Variants in SV2C observed in about 807,000 individuals in gnomAD.
The protein encoded by SV2C is synaptic vesicle glycoprotein 2C.
Under a neutral mutation model 79.7 loss-of-function variants are expected in SV2C, and 49 were observed. That is an observed-to-expected ratio of 0.61 (90% CI 0.49 to 0.78). SV2C has a LOEUF of 0.78. Ranked by LOEUF, SV2C falls within the 30% of genes least tolerant of loss-of-function variation. The pLI, the probability that SV2C is intolerant of heterozygous loss-of-function variation, is 0.00. For missense variants in SV2C, 833 were observed against 912.9 expected, an observed-to-expected ratio of 0.91 and a Z score of 1.13; for synonymous variants, 334 against 333.2, an observed-to-expected ratio of 1.00 and a Z score of -0.03.
At chr5:76,218,797 G>C (rs1204457576) in intron 4 of SV2C, among the ~76,000 whole-genome samples, 1 of 738 alleles carries the variant, frequency 1.4e-3, no homozygotes, top group Non-Finnish European at 2.6e-3. Context: ...TGTATTAAAG[G>C]ATGGCATACA....
chr5:76,156,814 C>A (rs1224443649), intron 2 of SV2C, among the ~76,000 whole-genome samples: 1 of 151,566 alleles, frequency 6.6e-6, no homozygotes, highest in East Asian at 1.9e-4. Context: ...TAGATTTGAA[C>A]TGACAAAAGA....
rs1267641102 is a variant in SV2C at position 76,132,367 on chromosome 5, T to C, written c.580+37T>C. ...GTGTCAGTGAGGCCAACTCTGAAAC[T>C]GGCTTATTTGTTAAGCACAGTTATC... On this transcript the variant is annotated intron_variant, in intron 2 of 12. Transcript: ENST00000502798. 25 of 1,553,538 alleles carry C rather than the reference T, an allele frequency of 1.6e-5. No individual in the cohort carries two copies. The East Asian group carries it at 5.4e-4, about 34-fold the overall frequency.
chr5:76,069,382 G>C, the SV2C span, among the ~76,000 whole-genome samples: 8 of 152,120 alleles, frequency 5.3e-5, no homozygotes, highest in African/African-American at 1.9e-4. Context: ...TTGCCTTTGG[G>C]TATCTCTCCA....
the SV2C span, among the ~76,000 whole-genome samples, chr5:75,934,302 C>CTTTTT: frequency 0.032 from 3,417 of 107,602 alleles, 257 homozygotes; most frequent in African/African-American, 0.11. Context: ...TTCTTTCTTT[C>CTTTTT]TTTTTTTTTT....
At chr5:76,091,190 T>C (rs1168889492) in intron 1 of SV2C, among the ~76,000 whole-genome samples, 1 of 152,232 alleles carries the variant, frequency 6.6e-6, no homozygotes, top group African/African-American at 2.4e-5. Context: ...AATTTAAGTG[T>C]AAAGTCTATT....
intron 4 of SV2C, among the ~76,000 whole-genome samples, chr5:76,270,873 C>T (rs998987760): frequency 6.6e-6 from 1 of 151,744 alleles, no homozygotes. Flanking sequence ...GGTTAAAACA[C>T]TTCTCCTGCC....
chr5:76,047,856 C>G, the SV2C span, among the ~76,000 whole-genome samples: 1 of 150,188 alleles, frequency 6.7e-6, no homozygotes, highest in African/African-American at 2.4e-5. Context: ...AGCTCCGCCT[C>G]CCGGGTTCAC....
At chr5:76,054,900 C>T in the SV2C span, among the ~76,000 whole-genome samples, 143 of 152,188 alleles carry the variant, frequency 9.4e-4, 1 homozygote, top group African/African-American at 3.3e-3. Context: ...GGATATTACA[C>T]CTTTGTCAGA....
chr5:76,080,528 A>G (rs1316185127), upstream of SV2C, among the ~76,000 whole-genome samples: 2 of 152,152 alleles, frequency 1.3e-5, no homozygotes, highest in Non-Finnish European at 2.9e-5. Flanking sequence ...TTTATTCTAT[A>G]CCCATTGTGT....
the SV2C span, chr5:75,921,019 A>G: frequency 1.4e-6 from 1 of 714,966 alleles, no homozygotes; most frequent in Non-Finnish European, 2.5e-6. Context: ...GGTAGTTCTC[A>G]TCCCTAATCA....
chr5:75,986,601 A>G, the SV2C span, among the ~76,000 whole-genome samples: 1,232 of 152,094 alleles, frequency 8.1e-3, 16 homozygotes, highest in African/African-American at 0.028. Flanking sequence ...GCAGCAATAG[A>G]AAACTAACAT....
the SV2C span, among the ~76,000 whole-genome samples, chr5:76,050,283 G>A: frequency 6.6e-6 from 1 of 152,158 alleles, no homozygotes; most frequent in African/African-American, 2.4e-5. Flanking sequence ...TCAATGTAGG[G>A]TGATCACCTT....
chr5:76,100,337 G>A (rs1043118648), intron 1 of SV2C, among the ~76,000 whole-genome samples: 12 of 152,122 alleles, frequency 7.9e-5, no homozygotes, highest in African/African-American at 2.9e-4. Context: ...ATTCAACTTA[G>A]CATCAGTTAT....
chr5:75,860,080 C>T, the SV2C span, among the ~76,000 whole-genome samples: 1 of 152,090 alleles, frequency 6.6e-6, no homozygotes, highest in African/African-American at 2.4e-5. Flanking sequence ...GGGGTACCCA[C>T]CAGGTGGTGT....
the SV2C span, among the ~76,000 whole-genome samples, chr5:76,014,211 G>A: frequency 1.2e-4 from 17 of 142,740 alleles, no homozygotes; most frequent in African/African-American, 3.1e-4. Context: ...AGAAAGAAAG[G>A]AAAAGAAAAG....
chr5:76,322,180 TCAG>T (rs1489026260), intron 12 of SV2C, among the ~76,000 whole-genome samples: 1 of 152,178 alleles, frequency 6.6e-6, no homozygotes, highest in African/African-American at 2.4e-5. Context: ...ATAAGCAACT[TCAG>T]CAAAGTCTCA....
At chr5:76,204,738 T>C (rs1378892332) in intron 3 of SV2C, among the ~76,000 whole-genome samples, 1 of 152,182 alleles carries the variant, frequency 6.6e-6, no homozygotes, top group Admixed American at 6.5e-5. Context: ...CCTCCCTCTT[T>C]CATTGAAGAA....
chr5:76,059,536 C>G, the SV2C span, among the ~76,000 whole-genome samples: 1 of 150,768 alleles, frequency 6.6e-6, no homozygotes, highest in South Asian at 2.1e-4. Context: ...CTCACCCATT[C>G]AAGTTTTATC....
chr5:76,044,890 C>G, the SV2C span, among the ~76,000 whole-genome samples: 4 of 152,122 alleles, frequency 2.6e-5, no homozygotes, highest in Non-Finnish European at 4.4e-5. Context: ...ATGATAGTTT[C>G]TTTTACTGTG....
Sources: allele counts gnomAD v4.1 joint callset (sites outside exome capture counted in the v4.1 genomes callset), GRCh38; gene constraint gnomAD v4.1.1; transcripts MANE v1.5; gene names NCBI Gene and HGNC (gene_info 2026-07-23, HGNC 2026-07-21).